The following ZCCHC14 variants were observed in gnomAD, a reference collection of about 807,000 sequenced individuals.
ZCCHC14 encodes zinc finger CCHC domain-containing protein 14.
ZCCHC14 carries 16 observed loss-of-function variants against 85.0 expected under a neutral mutation model. The observed-to-expected ratio is 0.19, with a 90% CI of 0.13 to 0.29. The LOEUF (loss-of-function observed/expected upper bound fraction) is 0.29. ZCCHC14 is among the 10% of genes least tolerant of loss of function. ZCCHC14 has a pLI of 1.00. For missense variants in ZCCHC14, 1,303 were observed against 1,443.5 expected (o/e 0.90, Z 1.58); for synonymous variants, 775 against 630.7 (o/e 1.23, Z -3.43).
chr16:87,462,459 G>A (rs1302463191), intron 1 of ZCCHC14, among the ~76,000 whole-genome samples: 3 of 152,256 alleles, frequency 2.0e-5, no homozygotes, highest in South Asian at 2.1e-4. Context: ...ACACAGCCAA[G>A]GCCGGGTGCA....
chr16:87,441,418 T>C (rs1567523905), intron 2 of ZCCHC14, among the ~76,000 whole-genome samples: 1 of 152,242 alleles, frequency 6.6e-6, no homozygotes, highest in Admixed American at 6.5e-5. Flanking sequence ...AAAAATCTTT[T>C]ATTAAGTCCA....
At chr16:87,463,703 A>C (rs960844700) in intron 1 of ZCCHC14, among the ~76,000 whole-genome samples, 8 of 152,120 alleles carry the variant, frequency 5.3e-5, no homozygotes, top group Admixed American at 1.3e-4. Context: ...GGCACCTGTA[A>C]TCCCAGCTAC....
chr16:87,436,864 G>A (rs1597418067), intron 2 of ZCCHC14, among the ~76,000 whole-genome samples: 1 of 152,342 alleles, frequency 6.6e-6, no homozygotes, highest in African/African-American at 2.4e-5. Flanking sequence ...TGTGTACGGT[G>A]GCGAAGTGAA....
At chr16:87,462,796 T>C (rs1597440809) in intron 1 of ZCCHC14, among the ~76,000 whole-genome samples, 1 of 140,414 alleles carries the variant, frequency 7.1e-6, no homozygotes, top group Non-Finnish European at 1.6e-5. Flanking sequence ...GAGGCCAGGC[T>C]TAGTGGCTCA....
At chr16:87,418,230 C>T (rs1157091853) in intron 7 of ZCCHC14, among the ~76,000 whole-genome samples, 1 of 152,208 alleles carries the variant, frequency 6.6e-6, no homozygotes, top group Non-Finnish European at 1.5e-5. Context: ...TGTTCAAATA[C>T]AATTTTTCTA....
At chr16:87,487,374 G>C (rs933587600) in intron 1 of ZCCHC14, among the ~76,000 whole-genome samples, 2 of 152,334 alleles carry the variant, frequency 1.3e-5, no homozygotes, top group African/African-American at 4.8e-5. Flanking sequence ...ACAAACGGCA[G>C]GGCCCTCACA....
rs1271288555 is a variant in ZCCHC14 at position 87,491,579 on chromosome 16, C to T, written c.570+90G>A. The T allele has an allele frequency of 9.1e-6, 11 of 1,211,556 alleles. No individual in the cohort carries two copies. The highest frequency in any genetic ancestry group is 6.8e-5 in the East Asian group (2 of 29,246). 75.1% of individuals were successfully genotyped at this position (1,211,556 alleles called of 1,614,324 possible). ...CTCAGTGCAGGCTGGAGGCGTGGGT[C>T]GGGGGGTCGCGGTGCAGGCTGGAGG... On this transcript the variant is annotated intron_variant, in intron 1 of 12. Transcript: ENST00000671377. This position sits in a 1 kb window ranked among gnomAD's most constrained non-coding sequence, Gnocchi z 5.9.
intron 1 of ZCCHC14, among the ~76,000 whole-genome samples, chr16:87,478,612 AT>A (rs35147493): frequency 0.018 from 2,696 of 146,006 alleles, 27 homozygotes; most frequent in Middle Eastern, 0.052. Context: ...AATTTTACTA[AT>A]TTTTTTTTTT....
At chr16:87,474,746 G>C (rs545260534) in intron 1 of ZCCHC14, among the ~76,000 whole-genome samples, 3 of 152,342 alleles carry the variant, frequency 2.0e-5, no homozygotes, top group African/African-American at 7.2e-5. Context: ...GATGATCGCA[G>C]CTGGAAAGCG....
chr16:87,419,659 C>A, intron 6 of ZCCHC14, 124 bp downstream of exon 6: 2 of 712,450 alleles, frequency 2.8e-6, no homozygotes, highest in Non-Finnish European at 4.2e-6. Context: ...TGGTCTTGAA[C>A]TCCCAACCTC....
rs1686145567 is a variant in ZCCHC14, at chr16:87,420,843, C to T, written c.841-127G>A. On this transcript the variant is annotated intron_variant, in intron 4 of 12. Coordinates refer to ENST00000671377, the MANE Select transcript of ZCCHC14 (RefSeq NM_015144.3). This position sits in a 1 kb window ranked among gnomAD's most constrained non-coding sequence, Gnocchi z 5.0. ...GCCTGCTGGTCTGATATGATTTACA[C>T]CTCCCGTCAGAGCTATTCTGGGGCC... 8 of 685,116 alleles carry T rather than the reference C, an allele frequency of 1.2e-5. No homozygotes were observed. The highest frequency in any genetic ancestry group is 9.9e-5 in the South Asian group (5 of 50,522). 42.4% of individuals were successfully genotyped at this position (685,116 alleles called of 1,614,324 possible).
chr16:87,457,189 G>C (rs780842836), intron 2 of ZCCHC14, among the ~76,000 whole-genome samples: 4 of 152,190 alleles, frequency 2.6e-5, no homozygotes, highest in Non-Finnish European at 4.4e-5. Flanking sequence ...CTCTACTCCT[G>C]AACTGGAAAA....
At chr16:87,473,535 T>C (rs1044774775) in intron 1 of ZCCHC14, 1 of 152,248 alleles carries the variant, frequency 6.6e-6, no homozygotes, top group South Asian at 2.1e-4. Context: ...AAGTACATAA[T>C]ACACACAATA....
At chr16:87,417,906 C>T in intron 7 of ZCCHC14, 164 bp from the exon 8 acceptor site, 1 of 753,080 alleles carries the variant, frequency 1.3e-6, no homozygotes, top group Admixed American at 3.0e-5. Context: ...GCTATGACTG[C>T]CCTCCCTCCC....
chr16:87,468,394 T>G (rs532426215), intron 1 of ZCCHC14, among the ~76,000 whole-genome samples: 141 of 152,200 alleles, frequency 9.3e-4, no homozygotes, highest in African/African-American at 3.2e-3. Context: ...CATTGTGTTG[T>G]GCATGTTCAT....
At chr16:87,451,413 G>A (rs1027788637) in intron 2 of ZCCHC14, among the ~76,000 whole-genome samples, 1 of 151,268 alleles carries the variant, frequency 6.6e-6, no homozygotes, top group Non-Finnish European at 1.5e-5. Context: ...GATCAGACTG[G>A]TCTCAAACTC....
intron 2 of ZCCHC14, among the ~76,000 whole-genome samples, chr16:87,433,703 G>C (rs887408106): frequency 7.9e-5 from 12 of 151,550 alleles, no homozygotes; most frequent in African/African-American, 2.4e-4. Flanking sequence ...GTCTCACTCT[G>C]TCTCGGCGGC....
In ZCCHC14 at chr16:87,482,943, T is replaced by C. The variant is rs886765199; in HGVS notation, c.570+8726A>G. ...ATGTGTATTATGTATGCACAATACA[T>C]GCATATGTATAATATGTATGATGAG... is the stretch of plus-strand genomic sequence containing the variant. On this transcript the variant is annotated intron_variant, in intron 1 of 12. Coordinates refer to ENST00000671377, the MANE Select transcript of ZCCHC14 (RefSeq NM_015144.3). Among the ~76,000 whole-genome samples, 6 of 152,088 alleles carry C rather than the reference T, an allele frequency of 3.9e-5. No individual in the cohort carries two copies. The East Asian group carries it at 5.8e-4, about 15-fold the overall frequency.
intron 1 of ZCCHC14, among the ~76,000 whole-genome samples, chr16:87,468,757 A>T (rs1911648379): frequency 6.6e-6 from 1 of 152,238 alleles, no homozygotes; most frequent in Admixed American, 6.5e-5. Context: ...TTCTCGTGGC[A>T]TGCAGCCAAC....
Sources: allele counts gnomAD v4.1 joint callset (sites outside exome capture counted in the v4.1 genomes callset), GRCh38; gene constraint gnomAD v4.1.1; non-coding constraint Gnocchi (gnomAD v3.1); transcripts MANE v1.5; gene names NCBI Gene and HGNC (gene_info 2026-07-23, HGNC 2026-07-21).